NEBL: variants seen among roughly 807,000 people sequenced by gnomAD.
NEBL encodes LIM and SH3 protein 2.
Under a neutral mutation model 140.2 loss-of-function variants are expected in NEBL, and 122 were observed. The ratio of observed to expected loss-of-function variants is 0.87; its 90% CI spans 0.75 to 1.01. NEBL has a LOEUF of 1.01. Ranked by LOEUF, NEBL falls within the 50% of genes least tolerant of loss-of-function variation. The pLI is 0.00. For synonymous variants in NEBL, 436 were observed against 398.9 expected, an observed-to-expected ratio of 1.09 and a Z score of -1.11; for missense variants, 1,365 against 1,231.3, an observed-to-expected ratio of 1.11 and a Z score of -1.62.
chr10:21,108,126 A>T (rs575076793), intron 2 of NEBL, among the ~76,000 whole-genome samples: 12 of 151,962 alleles, frequency 7.9e-5, no homozygotes, highest in African/African-American at 2.7e-4. Flanking sequence ...CCTGGATTCA[A>T]TGATTTTTGA....
chr10:21,167,073 C>T (rs191932335), intron 2 of NEBL, among the ~76,000 whole-genome samples: 23 of 152,274 alleles, frequency 1.5e-4, no homozygotes, highest in African/African-American at 4.8e-4. Context: ...CAACAGGGGC[C>T]GGCAGAACTG....
chr10:21,210,076 C>A (rs1024617395), intron 3 of NEBL, among the ~76,000 whole-genome samples: 3 of 152,142 alleles, frequency 2.0e-5, no homozygotes, highest in South Asian at 4.1e-4. Flanking sequence ...TCATTTGAAG[C>A]AAGGTTTCTG....
chr10:21,151,579 C>G (rs1265795484), intron 2 of NEBL, among the ~76,000 whole-genome samples: 1 of 152,196 alleles, frequency 6.6e-6, no homozygotes, highest in African/African-American at 2.4e-5. Flanking sequence ...CAACTGCCCC[C>G]CTTAGTCAGA....
intron 3 of NEBL, among the ~76,000 whole-genome samples, chr10:21,227,505 A>G (rs1589337486): frequency 6.6e-6 from 1 of 152,374 alleles, no homozygotes; most frequent in South Asian, 2.1e-4. Flanking sequence ...CGATAAAAGG[A>G]AACACTTTTT....
In NEBL at chr10:20,935,555, A is replaced by T. The variant is rs58068430; in HGVS notation, c.357+26117T>A. The stretch of plus-strand genomic sequence containing the variant: ...TTGGCAGATCTCCTCCTTTGCAAGG[A>T]TACTGTGCAATGAGAGACTGATTCT... On this transcript the variant is annotated intron_variant, in intron 4 of 6. Transcript: ENST00000417816. 6.9e-3 allele frequency among the ~76,000 whole-genome samples: 1,053 copies of T among 152,298 alleles called. 13 individuals carry two copies. Among genetic ancestry groups the T allele is most frequent in the African/African-American group, 0.024 (1,017 of 41,566 alleles).
upstream of NEBL, chr10:20,897,561 A>T: frequency 9.5e-7 from 1 of 1,050,944 alleles, no homozygotes; most frequent in Non-Finnish European, 1.1e-6. Flanking sequence ...CATAAAAAGG[A>T]CTTAGAGATT....
At chr10:20,982,339 G>A (rs1475384497) in intron 3 of NEBL, among the ~76,000 whole-genome samples, 1 of 152,062 alleles carries the variant, frequency 6.6e-6, no homozygotes, top group African/African-American at 2.4e-5. Flanking sequence ...ATTTTAAAAA[G>A]TCTCAATTTC....
At chr10:21,137,108 AG>A (rs1487473499) in intron 2 of NEBL, among the ~76,000 whole-genome samples, 1 of 152,220 alleles carries the variant, frequency 6.6e-6, no homozygotes, top group Non-Finnish European at 1.5e-5. Context: ...CGTTGGTCTT[AG>A]GTAGATATGG....
At position 21,228,072 on chromosome 10, in the gene NEBL, G is replaced by T. The variant is rs1842195714; in HGVS notation, n.348+19849C>A. Among the ~76,000 whole-genome samples, 24 of 151,586 alleles carry T rather than the reference G, an allele frequency of 1.6e-4. 1 individual carries two copies. Among genetic ancestry groups the T allele is most frequent in the Admixed American group, 1.5e-3 (23 of 15,190 alleles). ...ATGAAGGAGTATTTTCTTCAACTTG[G>T]CTTACTTGAAGTTCAAAAAAGTTAA... On this transcript the variant is annotated intron_variant and non_coding_transcript_variant, in intron 3 of 8. Transcript: ENST00000675702.
intron 26 of NEBL, among the ~76,000 whole-genome samples, chr10:20,795,301 G>T (rs753605516): frequency 1.3e-5 from 2 of 152,082 alleles, no homozygotes; most frequent in Non-Finnish European, 2.9e-5. Flanking sequence ...GGCTTGTTAG[G>T]CTCATAGAGG....
chr10:21,118,355 A>G (rs1838377619), intron 2 of NEBL, among the ~76,000 whole-genome samples: 1 of 152,196 alleles, frequency 6.6e-6, no homozygotes, highest in African/African-American at 2.4e-5. Context: ...TTCACTCTCC[A>G]GGTTCATGTC....
intron 2 of NEBL, among the ~76,000 whole-genome samples, chr10:21,062,453 G>A (rs551972937): frequency 1.3e-5 from 2 of 152,072 alleles, no homozygotes; most frequent in Admixed American, 1.3e-4. Flanking sequence ...TTGAGCCCAG[G>A]AGTTTGAGAT....
chr10:21,283,610 A>T (rs970261826), intron 1 of NEBL, among the ~76,000 whole-genome samples: 15 of 152,102 alleles, frequency 9.9e-5, no homozygotes, highest in Admixed American at 9.2e-4. Flanking sequence ...GAGTACATAT[A>T]TTCTATTATA....
chr10:21,226,241 G>A (rs1842146342), intron 3 of NEBL, among the ~76,000 whole-genome samples: 1 of 151,830 alleles, frequency 6.6e-6, no homozygotes, highest in Non-Finnish European at 1.5e-5. Context: ...TACTGTGGCT[G>A]AGCTGGTATC....
intron 4 of NEBL, among the ~76,000 whole-genome samples, chr10:20,931,484 T>C (rs1325323775): frequency 6.6e-6 from 1 of 152,130 alleles, no homozygotes; most frequent in Non-Finnish European, 1.5e-5. Flanking sequence ...GAAATGTTCC[T>C]CTAAACTAAC....
rs1039541936 is a variant in NEBL at position 20,787,303 on chromosome 10, C to A, written c.2767G>T (p.Val923Phe). 6.2e-7 allele frequency: 1 copy of A among 1,611,342 alleles called. No individual in the cohort carries two copies. The highest frequency in any genetic ancestry group is 8.5e-7 in the Non-Finnish European group (1 of 1,178,230). The stretch of plus-strand genomic sequence containing the variant: ...CTTTGCTGATAGGCTCCGGGAAGAA[C>A]AGGTGCTGCATGTTAAACATACACA... ...VTRPSDEGAP[V>F]LPGAYQQSHS... The change falls in exon 27 of 28, where the codon GTT becomes TTT. Residue 923 changes from valine to phenylalanine, a missense_variant. Physicochemically the swap from Val to Phe is conservative, Grantham distance 50. Coordinates refer to ENST00000377122, the MANE Select transcript of NEBL (RefSeq NM_006393.3).
chr10:20,819,556 A>G (rs1282548911), intron 19 of NEBL, 40 bp from the exon 20 acceptor site: 2 of 1,611,416 alleles, frequency 1.2e-6, no homozygotes, highest in African/African-American at 2.7e-5. Context: ...ATTATGGGAA[A>G]TAAATACGTC....
At chr10:20,897,454 T>C (rs1847610727), upstream of NEBL, 3 of 1,208,976 alleles carry the variant, frequency 2.5e-6, no homozygotes, top group Admixed American at 8.0e-5. Flanking sequence ...AAATTTGATT[T>C]TATGAACTTT....
intron 3 of NEBL, among the ~76,000 whole-genome samples, chr10:21,181,595 C>A (rs796780828): frequency 6.6e-6 from 1 of 152,188 alleles, no homozygotes; most frequent in African/African-American, 2.4e-5. Context: ...TTCAGCTGAG[C>A]GGCCTGCATT....
Sources: gnomAD v4.1 joint callset for allele counts (sites outside exome capture counted in the v4.1 genomes callset) on GRCh38, gnomAD v4.1.1 for gene constraint, MANE v1.5 for transcripts, NCBI Gene and HGNC (gene_info 2026-07-23, HGNC 2026-07-21) for gene names.